Variants in STK3 observed in about 807,000 individuals in gnomAD.
The protein encoded by STK3 is serine/threonine kinase 3.
In STK3, 41 loss-of-function variants were observed where a neutral mutation model predicts 58.0. The observed-to-expected ratio is 0.71, with a 90% CI of 0.55 to 0.92. STK3 has a LOEUF of 0.92. Among genes scored for constraint, STK3 ranks in the 40% least tolerant of loss-of-function variants. The probability of loss-of-function intolerance (pLI) is 0.00; values close to 1 mark genes in which losing one functional copy is unlikely to be tolerated. For synonymous variants in STK3, 170 were observed against 191.0 expected (o/e 0.89, Z 0.91); for missense variants, 479 against 602.7 (o/e 0.79, Z 2.15).
upstream of STK3, among the ~76,000 whole-genome samples, chr8:98,392,216 T>C (rs1351210754): frequency 6.6e-6 from 1 of 152,240 alleles, no homozygotes; most frequent in Non-Finnish European, 1.5e-5. Flanking sequence ...TTTCATCCTA[T>C]TAATCTTTTA....
intron 8 of STK3, among the ~76,000 whole-genome samples, chr8:98,568,840 CA>C (rs1406105713): frequency 6.6e-6 from 1 of 151,774 alleles, no homozygotes; most frequent in Non-Finnish European, 1.5e-5. Context: ...GTTCAACAAC[CA>C]AATAAAAGGA....
chr8:98,595,452 CTTA>C (rs1230968569), intron 7 of STK3: 1 of 151,968 alleles, frequency 6.6e-6, no homozygotes, highest in African/African-American at 2.4e-5. Context: ...GTGAGACATA[CTTA>C]TTATTAGCTG....
the STK3 span, among the ~76,000 whole-genome samples, chr8:98,354,088 C>A: frequency 6.6e-6 from 1 of 152,140 alleles, no homozygotes; most frequent in Non-Finnish European, 1.5e-5. Flanking sequence ...CTTTATGTCA[C>A]CATTCATTTA....
Position 98,496,959 on chromosome 8 carries a change from T to A in STK3, c.1317+29783A>T, listed in dbSNP as rs1175096177. 1.3e-5 allele frequency among the ~76,000 whole-genome samples: 2 copies of A among 152,110 alleles called. 1 individual carries two copies. Among genetic ancestry groups the A allele is most frequent in the Admixed American group, 1.3e-4 (2 of 15,252 alleles). ...GATGAAAATGGCAAATTTTATGGTT[T>A]TTTTTAACCAAAATAAAAAAAATTT... On this transcript the variant is annotated intron_variant, in intron 10 of 10. Coordinates refer to ENST00000419617, the MANE Select transcript of STK3 (RefSeq NM_006281.4).
intron 1 of STK3, chr8:98,904,517 C>G: frequency 2.5e-6 from 1 of 407,984 alleles, no homozygotes; most frequent in Non-Finnish European, 4.8e-6. Flanking sequence ...AACATCCTGG[C>G]AAAGGGGACC....
At chr8:98,603,848 C>A (rs1816560526) in intron 6 of STK3, among the ~76,000 whole-genome samples, 1 of 152,006 alleles carries the variant, frequency 6.6e-6, no homozygotes, top group African/African-American at 2.4e-5. Flanking sequence ...GAATAATGCC[C>A]CCACCCCGCA....
chr8:98,881,722 C>G (rs1372323886), downstream of STK3: 1 of 152,078 alleles, frequency 6.6e-6, no homozygotes, highest in Non-Finnish European at 1.5e-5. Context: ...AAATATCAAA[C>G]TCTGTAATTT....
chr8:98,351,113 A>G, the STK3 span, among the ~76,000 whole-genome samples: 2 of 152,350 alleles, frequency 1.3e-5, no homozygotes, highest in South Asian at 4.1e-4. Context: ...GACTTTCAAC[A>G]TAAACATAAA....
chr8:98,883,088 T>C (rs1452828160), downstream of STK3: 1 of 152,410 alleles, frequency 6.6e-6, no homozygotes, highest in Non-Finnish European at 1.5e-5. Context: ...TCAGCAAGGG[T>C]TTTGTTTTGT....
chr8:98,711,750 C>A (rs1293533733), intron 4 of STK3, among the ~76,000 whole-genome samples: 1 of 152,194 alleles, frequency 6.6e-6, no homozygotes, highest in Non-Finnish European at 1.5e-5. Flanking sequence ...CCTACCAAGG[C>A]AGGCTACCAT....
At chr8:98,426,980 G>C (rs1219773275) in intron 3 of STK3, 1 of 150,646 alleles carries the variant, frequency 6.6e-6, no homozygotes, top group Admixed American at 6.6e-5. Flanking sequence ...GCCCCGCGCA[G>C]GGCGGGCGCC....
At chr8:98,586,842 A>T (rs1183464158) in intron 7 of STK3, among the ~76,000 whole-genome samples, 1 of 151,870 alleles carries the variant, frequency 6.6e-6, no homozygotes, top group Non-Finnish European at 1.5e-5. Context: ...GTATGTGTCG[A>T]GGAATTTATC....
chr8:98,905,581 A>G, intron 1 of STK3: 3 of 1,081,954 alleles, frequency 2.8e-6, no homozygotes, highest in Non-Finnish European at 4.3e-6. Flanking sequence ...ATGATGTCAC[A>G]TTCCAGCACC....
At chr8:98,764,948 T>C (rs1174777082) in intron 3 of STK3, among the ~76,000 whole-genome samples, 1 of 152,140 alleles carries the variant, frequency 6.6e-6, no homozygotes, top group Non-Finnish European at 1.5e-5. Context: ...GAATGCTTGA[T>C]TACATTTGCA....
At chr8:98,900,298 C>T (rs1838606451) in intron 1 of STK3, among the ~76,000 whole-genome samples, 1 of 152,160 alleles carries the variant, frequency 6.6e-6, no homozygotes, top group African/African-American at 2.4e-5. Flanking sequence ...CCAGGCTGGT[C>T]TCAAACTCCT....
chr8:98,400,687 A>G (rs933605881), downstream of STK3, among the ~76,000 whole-genome samples: 1 of 152,346 alleles, frequency 6.6e-6, no homozygotes, highest in East Asian at 1.9e-4. Flanking sequence ...TAAATCTGCT[A>G]CAATAAAAGT....
chr8:98,825,432 C>A, intron 1 of STK3, 83 bp downstream of exon 1: 3 of 1,265,086 alleles, frequency 2.4e-6, no homozygotes, highest in Non-Finnish European at 3.1e-6. Flanking sequence ...GGGAGAGGCT[C>A]GCAGCAGGGC....
chr8:98,921,613 A>G (rs1374667278), intron 1 of STK3: 2 of 152,232 alleles, frequency 1.3e-5, no homozygotes, highest in Admixed American at 1.3e-4. Context: ...GGCATTTCAT[A>G]CTACACTGGG....
intron 3 of STK3, chr8:98,393,859 T>C (rs988777691): frequency 6.6e-6 from 1 of 152,136 alleles, no homozygotes; most frequent in African/African-American, 2.4e-5. Flanking sequence ...CCAGCCTGAA[T>C]TGTCAACCTA....
Sources: gnomAD v4.1 joint callset for allele counts (sites outside exome capture counted in the v4.1 genomes callset) on GRCh38, gnomAD v4.1.1 for gene constraint, MANE v1.5 for transcripts, NCBI Gene and HGNC (gene_info 2026-07-23, HGNC 2026-07-21) for gene names.